ENTPD5: variants seen among roughly 807,000 people sequenced by gnomAD.
ENTPD5 encodes nucleoside diphosphate phosphatase ENTPD5.
Under a neutral mutation model 60.2 loss-of-function variants are expected in ENTPD5, and 49 were observed. The ratio of observed to expected loss-of-function variants is 0.81; its 90% confidence interval spans 0.65 to 1.03. The LOEUF (loss-of-function observed/expected upper bound fraction) is 1.03, where lower values mean the gene tolerates loss of function less well. ENTPD5 is among the 50% of genes least tolerant of loss of function. The pLI is 0.00. For synonymous variants in ENTPD5, 187 were observed against 185.4 expected, an observed-to-expected ratio of 1.01 and a Z score of -0.07; for missense variants, 480 against 507.6, an observed-to-expected ratio of 0.95 and a Z score of 0.52.
chr14:73,973,160 C>T (rs772931877), intron 12 of ENTPD5, 136 bp from the exon 13 acceptor site: 3 of 1,024,244 alleles, frequency 2.9e-6, no homozygotes, highest in Non-Finnish European at 4.3e-6. Context: ...AGGCTTGGGA[C>T]AAGAGGCGTC....
At chr14:74,010,502 C>T (rs1328396025) in intron 3 of ENTPD5, among the ~76,000 whole-genome samples, 2 of 151,794 alleles carry the variant, frequency 1.3e-5, no homozygotes, top group East Asian at 1.9e-4. Context: ...TGCAGTAAGC[C>T]GTGATCAAGC....
intron 3 of ENTPD5, among the ~76,000 whole-genome samples, chr14:74,005,460 A>G (rs143584398): frequency 0.016 from 2,464 of 151,906 alleles, 27 homozygotes; most frequent in Middle Eastern, 0.054. Flanking sequence ...TTGGCCTCTC[A>G]ACATGCTAGG....
intron 7 of ENTPD5, 95 bp from the exon 8 acceptor site, chr14:73,977,154 G>A: frequency 7.7e-7 from 1 of 1,295,540 alleles, no homozygotes; most frequent in Non-Finnish European, 1.1e-6. Context: ...TAAATTCCAT[G>A]TCTAGAGCAC....
intron 15 of ENTPD5, among the ~76,000 whole-genome samples, chr14:73,968,866 T>C (rs973622311): frequency 2.0e-5 from 3 of 152,110 alleles, no homozygotes; most frequent in African/African-American, 7.2e-5. Context: ...GATAAATAAC[T>C]TACTACAGAT....
At chr14:73,980,341 T>C (rs932550478) in intron 6 of ENTPD5, among the ~76,000 whole-genome samples, 2 of 151,878 alleles carry the variant, frequency 1.3e-5, no homozygotes, top group African/African-American at 4.8e-5. Context: ...CTCGGCTCAC[T>C]GCAAGCTCCG....
At chr14:74,001,838 G>C (rs1480497946) in intron 3 of ENTPD5, among the ~76,000 whole-genome samples, 1 of 152,002 alleles carries the variant, frequency 6.6e-6, no homozygotes, top group Admixed American at 6.6e-5. Flanking sequence ...ATGCGACAGA[G>C]TGAGACCCTG....
chr14:73,972,370 T>C (rs554203386), intron 13 of ENTPD5, among the ~76,000 whole-genome samples: 12 of 152,014 alleles, frequency 7.9e-5, no homozygotes, highest in African/African-American at 2.9e-4. Context: ...TGAGACTCTG[T>C]CTCAAAAAAC....
At chr14:73,989,491 AG>A (rs2058045768) in intron 3 of ENTPD5, among the ~76,000 whole-genome samples, 1 of 151,264 alleles carries the variant, frequency 6.6e-6, no homozygotes, top group African/African-American at 2.4e-5. Context: ...TGAGGTCAGG[AG>A]TTTGAGACCA....
intron 6 of ENTPD5, among the ~76,000 whole-genome samples, chr14:73,980,932 T>C (rs1032478812): frequency 1.3e-5 from 2 of 150,340 alleles, no homozygotes; most frequent in African/African-American, 2.4e-5. Context: ...ACCCCATCTC[T>C]ACTAAAATAT....
Position 73,987,901 on chromosome 14 carries a change from CAAAGGTGT to C in ENTPD5, c.194_201del (p.Tyr65CysfsTer17), listed in dbSNP as rs1393446738. 1.9e-6 allele frequency: 3 copies of C among 1,613,956 alleles called. No homozygotes were observed. Among genetic ancestry groups the C allele is most frequent in the Non-Finnish European group, 2.5e-6 (3 of 1,180,018 alleles). ...TTGCACTTACCTGGCATTTTCTGCA[CAAAGGTGT>C]AAACATGAATTCGAGTTCCAGTGCT... On this transcript the variant is annotated frameshift_variant, in exon 4 of 16. Transcript: ENST00000334696. LOFTEE classifies it high-confidence loss of function.
chr14:73,961,969 CAG>C (rs2140423053), downstream of ENTPD5: 16 of 1,578,450 alleles, frequency 1.0e-5, no homozygotes, highest in Admixed American at 3.3e-5. Context: ...TTTTTTGAAA[CAG>C]AGTCTTGGTC....
At chr14:73,961,794 T>C, downstream of ENTPD5, 1 of 1,614,188 alleles carries the variant, frequency 6.2e-7, no homozygotes, top group Non-Finnish European at 8.5e-7. Flanking sequence ...AACACTGCTC[T>C]TCTGGCTGCT....
intron 12 of ENTPD5, among the ~76,000 whole-genome samples, chr14:73,973,260 C>A (rs999845437): frequency 6.6e-6 from 1 of 152,214 alleles, no homozygotes; most frequent in Admixed American, 6.5e-5. Context: ...AGATCATGGC[C>A]AACCTTGTGC....
intron 1 of ENTPD5, among the ~76,000 whole-genome samples, chr14:74,016,723 T>C (rs1022236097): frequency 6.6e-6 from 1 of 152,224 alleles, no homozygotes; most frequent in African/African-American, 2.4e-5. Flanking sequence ...AATCTTGTTA[T>C]AGTCAAATTT....
At chr14:73,968,712 C>G (rs1464539787) in intron 15 of ENTPD5, among the ~76,000 whole-genome samples, 1 of 152,168 alleles carries the variant, frequency 6.6e-6, no homozygotes, top group East Asian at 1.9e-4. Flanking sequence ...AGGCGTGAGC[C>G]ATCAGGCCCG....
intron 3 of ENTPD5, among the ~76,000 whole-genome samples, chr14:73,995,662 C>T (rs2058318649): frequency 1.3e-5 from 2 of 151,598 alleles, no homozygotes; most frequent in African/African-American, 4.9e-5. Flanking sequence ...TGAAAAAAAT[C>T]ACAATTCCAA....
chr14:73,983,032 C>T lies in ENTPD5; in HGVS notation c.427G>A (p.Ala143Thr), dbSNP rs1351602971. The T allele has an allele frequency of 6.2e-7, 1 of 1,614,006 alleles. No homozygotes were observed. Among genetic ancestry groups the T allele is most frequent in the Middle Eastern group, 1.7e-4 (1 of 6,060 alleles). The change falls in exon 6 of 16, where the codon GCT (alanine) becomes ACT (threonine). Residue 143 changes from alanine (A) to threonine (T), a missense_variant. Transcript: ENST00000334696. ...TTAAAACTTACCTCAAAGAGCAGAGCCTTGGCTTTGTGTTCTGGCAGTAAG... is the reference window on the plus strand; with the variant it reads ...TTAAAACTTACCTCAAAGAGCAGAGTCTTGGCTTTGTGTTCTGGCAGTAAG... Reference protein sequence around the residue: ...LRLLPEHKAKALLFEVKEIFR... With the variant: ...LRLLPEHKAKTLLFEVKEIFR...
intron 6 of ENTPD5, among the ~76,000 whole-genome samples, chr14:73,982,584 G>A (rs890325976): frequency 2.1e-4 from 32 of 151,514 alleles, no homozygotes; most frequent in African/African-American, 6.5e-4. Context: ...GTGAAACCCC[G>A]TCTCTACTAA....
At chr14:73,959,744 A>G (rs1448487633), downstream of ENTPD5, 18 of 1,162,926 alleles carry the variant, frequency 1.5e-5, no homozygotes, top group South Asian at 4.9e-5. Context: ...TAATTTTTCT[A>G]TTTTTAGTAG....
Sources: gnomAD v4.1 joint callset for allele counts (sites outside exome capture counted in the v4.1 genomes callset) on GRCh38, gnomAD v4.1.1 for gene constraint, MANE v1.5 for transcripts, NCBI Gene and HGNC (gene_info 2026-07-23, HGNC 2026-07-21) for gene names.